CNKSR2: variants seen among roughly 807,000 people sequenced by gnomAD.
CNKSR2 encodes the protein CNK homolog protein 2.
In CNKSR2, 14 loss-of-function variants were observed where a neutral mutation model predicts 84.4. The observed-to-expected ratio is 0.17, with a 90% CI of 0.11 to 0.26. CNKSR2 has a LOEUF of 0.26. CNKSR2 is among the 10% of genes least tolerant of loss of function. The pLI, the probability that CNKSR2 is intolerant of heterozygous loss-of-function variation, is 1.00. For synonymous variants in CNKSR2, 275 were observed against 277.9 expected, an observed-to-expected ratio of 0.99 and a Z score of 0.10; for missense variants, 485 against 771.2, an observed-to-expected ratio of 0.63 and a Z score of 4.40.
chrX:21,396,961 C>G (rs2090130186), intron 1 of CNKSR2, among the ~76,000 whole-genome samples: 1 of 111,691 alleles, frequency 9.0e-6, no homozygotes, highest in Non-Finnish European at 1.9e-5. Context: ...TTAACACATG[C>G]AACAAACCTA....
At chrX:21,395,548 T>G (rs1008852864) in intron 1 of CNKSR2, among the ~76,000 whole-genome samples, 1 of 110,301 alleles carries the variant, frequency 9.1e-6, no homozygotes, top group Middle Eastern at 4.6e-3. Context: ...ATGAATGCCT[T>G]GAAAAAAAAA....
chrX:21,520,797 C>T (rs955584263), intron 9 of CNKSR2, among the ~76,000 whole-genome samples: 2 of 108,270 alleles, frequency 1.8e-5, no homozygotes, highest in East Asian at 5.8e-4. Context: ...TATAAAATAA[C>T]ATCAAGCTGT....
At chrX:21,388,650 A>C in intron 1 of CNKSR2, among the ~76,000 whole-genome samples, 1 of 112,172 alleles carries the variant, frequency 8.9e-6, no homozygotes, top group East Asian at 2.8e-4. Context: ...AAATATATTC[A>C]TGGATCCATC....
chrX:21,398,327 A>G (rs991494467), intron 1 of CNKSR2, among the ~76,000 whole-genome samples: 1 of 112,181 alleles, frequency 8.9e-6, no homozygotes, highest in Admixed American at 9.5e-5. Flanking sequence ...AGTATTCAAT[A>G]AGTGAAAATA....
chrX:21,438,250 T>C (rs1349297988), intron 3 of CNKSR2, among the ~76,000 whole-genome samples: 2 of 111,828 alleles, frequency 1.8e-5, no homozygotes, highest in Non-Finnish European at 3.8e-5. Context: ...CTGAATACTA[T>C]AGGCAATTGT....
intron 20 of CNKSR2, chrX:21,643,854 G>A (rs1221772304): frequency 9.0e-6 from 1 of 110,950 alleles, no homozygotes. Flanking sequence ...GCTAGGCATA[G>A]CTGATTGACT....
chrX:21,595,686 A>C (rs1336763553), intron 17 of CNKSR2, among the ~76,000 whole-genome samples: 4 of 112,263 alleles, frequency 3.6e-5, no homozygotes, highest in African/African-American at 1.3e-4. Flanking sequence ...TATGTCTTAA[A>C]ATTGACTCCC....
In CNKSR2 at chrX:21,582,834, T is replaced by A. The variant is rs5904572; in HGVS notation, c.1609-7738T>A. 4.9e-3 allele frequency among the ~76,000 whole-genome samples: 548 copies of A among 111,421 alleles called. 2 individuals are homozygous for A. The highest frequency in any genetic ancestry group is 8.1e-3 in the Non-Finnish European group (430 of 52,994). On this transcript the variant is annotated intron_variant, in intron 13 of 21. Coordinates refer to ENST00000379510, the MANE Select transcript of CNKSR2 (RefSeq NM_014927.5). ...CCTGAATATTTTCCAAGTAATCACT[T>A]CCCTTCTTCCTACATTACCACTGTG...
At chrX:21,571,082 T>C (rs1044185994) in intron 13 of CNKSR2, among the ~76,000 whole-genome samples, 2 of 112,159 alleles carry the variant, frequency 1.8e-5, no homozygotes, top group Non-Finnish European at 3.8e-5. Flanking sequence ...TTCTCCTCTC[T>C]AGCTATGAAA....
chrX:21,533,399 A>G (rs1325897221), intron 11 of CNKSR2, among the ~76,000 whole-genome samples: 1 of 110,772 alleles, frequency 9.0e-6, no homozygotes, highest in East Asian at 2.8e-4. Context: ...GCAGTAATGT[A>G]TGTCAACTCT....
At chrX:21,645,387 T>C (rs989774631) in intron 20 of CNKSR2, 1 of 112,261 alleles carries the variant, frequency 8.9e-6, no homozygotes, top group Non-Finnish European at 1.9e-5. Flanking sequence ...TTACATGTTG[T>C]AAACGTAAAT....
chrX:21,418,061 G>A (rs1409648516), intron 1 of CNKSR2, among the ~76,000 whole-genome samples: 1 of 110,784 alleles, frequency 9.0e-6, no homozygotes, highest in Non-Finnish European at 1.9e-5. Flanking sequence ...TTGGTTTGAG[G>A]TTCCCATGAG....
intron 12 of CNKSR2, among the ~76,000 whole-genome samples, 167 bp downstream of exon 12, chrX:21,561,727 T>C (rs1317663253): frequency 9.0e-6 from 1 of 111,725 alleles, no homozygotes; most frequent in African/African-American, 3.2e-5. Context: ...TGACCCATTA[T>C]TAAACAGATA....
At chrX:21,594,030 C>T (rs992274177) in intron 15 of CNKSR2, 1 of 111,640 alleles carries the variant, frequency 9.0e-6, no homozygotes, top group African/African-American at 3.3e-5. Context: ...CGTGAATGTT[C>T]ATTGCAGCAC....
intron 1 of CNKSR2, among the ~76,000 whole-genome samples, chrX:21,402,511 A>G (rs946090613): frequency 8.1e-5 from 9 of 111,255 alleles, no homozygotes; most frequent in African/African-American, 2.6e-4. Context: ...AGATTATATT[A>G]CAACATTTTA....
At chrX:21,573,188 G>A (rs2092295940) in intron 13 of CNKSR2, among the ~76,000 whole-genome samples, 1 of 112,349 alleles carries the variant, frequency 8.9e-6, no homozygotes, top group East Asian at 2.8e-4. Context: ...ACTGTTGCAA[G>A]CGGTGGGGTC....
chrX:21,577,702 A>G (rs1437880490), intron 13 of CNKSR2, among the ~76,000 whole-genome samples: 1 of 110,729 alleles, frequency 9.0e-6, no homozygotes, highest in Non-Finnish European at 1.9e-5. Flanking sequence ...CTCAAGTTTA[A>G]TAAAACTGTA....
intron 6 of CNKSR2, among the ~76,000 whole-genome samples, chrX:21,496,924 G>A (rs886762612): frequency 9.0e-6 from 1 of 110,637 alleles, no homozygotes; most frequent in African/African-American, 3.3e-5. Flanking sequence ...CTTTGGAGGG[G>A]ACAAAAATTC....
intron 20 of CNKSR2, among the ~76,000 whole-genome samples, chrX:21,622,044 A>T (rs1237543670): frequency 9.0e-6 from 1 of 110,687 alleles, no homozygotes; most frequent in African/African-American, 3.3e-5. Flanking sequence ...ACTTGCTAAG[A>T]TTATAACCTT....
Sources: gnomAD v4.1 joint callset for allele counts (sites outside exome capture counted in the v4.1 genomes callset) on GRCh38, gnomAD v4.1.1 for gene constraint, MANE v1.5 for transcripts, NCBI Gene and HGNC (gene_info 2026-07-23, HGNC 2026-07-21) for gene names.